The following PUM1 variants were observed in gnomAD, a reference collection of about 807,000 sequenced individuals.
PUM1 encodes pumilio homolog 1.
PUM1 carries 13 observed loss-of-function variants against 131.8 expected under a neutral mutation model. The observed-to-expected ratio is 0.10, with a 90% CI of 0.06 to 0.16. The LOEUF is 0.16. Among genes scored for constraint, PUM1 ranks in the 10% least tolerant of loss-of-function variants. The pLI, the probability that PUM1 is intolerant of heterozygous loss-of-function variation, is 1.00. For missense variants in PUM1, 961 were observed against 1,512.4 expected (o/e 0.64, Z 6.05); for synonymous variants, 509 against 556.5 (o/e 0.91, Z 1.20).
chr1:31,003,751 C>T lies in PUM1; in HGVS notation c.720+2102G>A, dbSNP rs143040506. ...CAGTCTGGGCGACAAGAGTGAAACT[C>T]CACCTCAATAATAATAACAATAATA... is the stretch of plus-strand genomic sequence containing the variant. On this transcript the variant is annotated intron_variant, in intron 5 of 21. Transcript: ENST00000426105. 4.1e-3 allele frequency among the ~76,000 whole-genome samples: 617 copies of T among 152,202 alleles called. 2 individuals carry two copies. Among genetic ancestry groups the T allele is most frequent in the Non-Finnish European group, 6.1e-3 (416 of 68,012 alleles).
At chr1:30,985,228 T>C (rs1238379020) in intron 7 of PUM1, among the ~76,000 whole-genome samples, 1 of 152,180 alleles carries the variant, frequency 6.6e-6, no homozygotes, top group Non-Finnish European at 1.5e-5. Flanking sequence ...GTGATGTTCT[T>C]TCTGATGAAT....
chr1:31,063,088 G>A (rs1644404219), intron 1 of PUM1, among the ~76,000 whole-genome samples: 1 of 151,996 alleles, frequency 6.6e-6, no homozygotes, highest in Non-Finnish European at 1.5e-5. Context: ...ATGCCTCCCT[G>A]CTTGGTTTTT....
At position 30,933,022 on chromosome 1, in the gene PUM1, T is replaced by C; in HGVS notation, c.*189A>G. 1.6e-6 allele frequency: 1 copy of C among 618,360 alleles called. No individual in the cohort carries two copies. Among genetic ancestry groups the C allele is most frequent in the Non-Finnish European group, 2.7e-6 (1 of 375,202 alleles). 38.3% of individuals were successfully genotyped at this position (618,360 alleles called of 1,614,324 possible). On this transcript the variant is annotated 3_prime_UTR_variant, in exon 22 of 22. Coordinates refer to ENST00000426105, the MANE Select transcript of PUM1 (RefSeq NM_001020658.2). ...ATTAAAAAAAATAGTACATGTTATG[T>C]GTAATAAAATTAAATTTACAAAGGC... is the stretch of plus-strand genomic sequence containing the variant.
chr1:31,035,425 A>G (rs543823080), intron 2 of PUM1, among the ~76,000 whole-genome samples: 51 of 152,004 alleles, frequency 3.4e-4, no homozygotes, highest in African/African-American at 1.1e-3. Context: ...CTACCCTGAA[A>G]ACACAGATAA....
chr1:31,056,249 C>T (rs1231976524), intron 2 of PUM1, among the ~76,000 whole-genome samples: 1 of 152,080 alleles, frequency 6.6e-6, no homozygotes, highest in Non-Finnish European at 1.5e-5. Context: ...AAATTCTGTG[C>T]ATATCTTCAT....
Position 31,024,268 on chromosome 1 carries a change from C to T in PUM1, c.432+4528G>A, listed in dbSNP as rs1570295720. Among the ~76,000 whole-genome samples the T allele has an allele frequency of 2.0e-5, 3 of 152,320 alleles. No homozygotes were observed. The South Asian group carries it at 6.2e-4, about 32-fold the overall frequency. On this transcript the variant is annotated intron_variant, in intron 3 of 21. Coordinates refer to ENST00000426105, the MANE Select transcript of PUM1 (RefSeq NM_001020658.2). ...CTCTATCCCACCAAATTTTGCCTTT[C>T]TTTGGATTAACAGCTCACCCAAATC...
chr1:30,947,497 T>A (rs1639728197), intron 17 of PUM1, among the ~76,000 whole-genome samples: 1 of 152,124 alleles, frequency 6.6e-6, no homozygotes, highest in Non-Finnish European at 1.5e-5. Context: ...TGGGTGATGG[T>A]GACAGGATAT....
In PUM1 at chr1:30,992,304, C is replaced by T. The variant is rs545311027; in HGVS notation, c.1158+86G>A. On this transcript the variant is annotated intron_variant, in intron 7 of 21. Coordinates refer to ENST00000426105, the MANE Select transcript of PUM1 (RefSeq NM_001020658.2). ...TGGATAGCCTGAAACAATGCCACCA[C>T]CTCCCCCATCCCCCCATTCTTAATT... 3 of 1,525,954 alleles carry T rather than the reference C, an allele frequency of 2.0e-6. No individual in the cohort carries two copies. In the South Asian group the frequency reaches 3.8e-5, roughly 19 times the overall value. The allele number at this position is 1,525,954 out of a possible 1,614,324, so 94.5% of individuals were successfully genotyped here. A position where few individuals can be genotyped will look rare whatever the true frequency, so the allele number is the denominator to read the frequency against.
intron 7 of PUM1, among the ~76,000 whole-genome samples, chr1:30,986,104 G>A (rs544125597): frequency 2.0e-4 from 30 of 152,178 alleles, no homozygotes; most frequent in South Asian, 2.1e-4. Flanking sequence ...ACAGGCTTGC[G>A]CCACCACACC....
chr1:31,045,373 G>C (rs1643927045), intron 2 of PUM1, among the ~76,000 whole-genome samples: 1 of 149,780 alleles, frequency 6.7e-6, no homozygotes, highest in Non-Finnish European at 1.5e-5. Context: ...CCTGGCCTCA[G>C]ACGATCCACC....
chr1:30,980,002 G>T (rs939991798), intron 9 of PUM1, 60 bp downstream of exon 9: 1 of 1,170,096 alleles, frequency 8.5e-7, no homozygotes, highest in East Asian at 2.4e-5. Context: ...AAGAATGCAC[G>T]CCCATCTCAA....
In PUM1 at chr1:30,978,416, G is replaced by A. The variant is rs180845827; in HGVS notation, c.1354+1646C>T. ...TGGTTAGCAGAGATCATTCTCCTAC[G>A]AAGAGCTTTCTGTTTTCCCCCAAAA... is the stretch of plus-strand genomic sequence containing the variant. On this transcript the variant is annotated intron_variant, in intron 9 of 21. Coordinates refer to ENST00000426105, the MANE Select transcript of PUM1 (RefSeq NM_001020658.2). Among the ~76,000 whole-genome samples, 18 of 152,316 alleles carry A rather than the reference G, an allele frequency of 1.2e-4. No individual in the cohort carries two copies. In the East Asian group the frequency reaches 2.9e-3, roughly 24 times the overall value.
At chr1:30,967,549 C>A (rs746108154) in intron 11 of PUM1, among the ~76,000 whole-genome samples, 22 of 152,102 alleles carry the variant, frequency 1.4e-4, no homozygotes, top group Non-Finnish European at 2.1e-4. Flanking sequence ...GCAGGAAAAA[C>A]CTAGATAGGC....
At chr1:31,054,532 C>A (rs1644192068) in intron 2 of PUM1, among the ~76,000 whole-genome samples, 1 of 101,510 alleles carries the variant, frequency 9.9e-6, no homozygotes, top group Non-Finnish European at 1.8e-5. Flanking sequence ...GCCAAAGGGC[C>A]ACTAAAAAAA....
At chr1:30,963,596 TG>T (rs1340144336) in intron 14 of PUM1, among the ~76,000 whole-genome samples, 1 of 152,220 alleles carries the variant, frequency 6.6e-6, no homozygotes, top group East Asian at 1.9e-4. Flanking sequence ...AGACTTCTCT[TG>T]AATCTTATAA....
intron 5 of PUM1, among the ~76,000 whole-genome samples, chr1:31,004,457 G>A (rs1642327501): frequency 6.6e-6 from 1 of 152,178 alleles, no homozygotes; most frequent in Non-Finnish European, 1.5e-5. Context: ...AGGAAAGAGT[G>A]AGGACAGAAA....
chr1:31,012,965 G>A (rs1293497092), intron 3 of PUM1, among the ~76,000 whole-genome samples: 1 of 152,072 alleles, frequency 6.6e-6, no homozygotes, highest in Non-Finnish European at 1.5e-5. Flanking sequence ...GACCTATTGT[G>A]TACAATGAAA....
chr1:31,045,903 G>A (rs187320057), intron 2 of PUM1, among the ~76,000 whole-genome samples: 6 of 152,232 alleles, frequency 3.9e-5, no homozygotes, highest in Admixed American at 6.5e-5. Context: ...TCAACATGGC[G>A]AAACCCAGTC....
Position 30,950,139 on chromosome 1 carries a change from G to C in PUM1, c.2844C>G (p.Asp948Glu), listed in dbSNP as rs1639868056. Residue 948 changes from aspartate to glutamate, a missense_variant, in exon 17 of 22, where the codon GAC becomes GAG. Asp to Glu is a conservative substitution (Grantham distance 45, BLOSUM62 2). Around this residue, in one of 4 missense-constraint regions of PUM1, gnomAD observed 178 missense variants for 327.5 expected, o/e 0.54. Transcript: ENST00000426105. ...AGGGGAAACTTACAATTACCTGCTG[G>C]TCTGAAGGAATAAACTCAAGAGCTT... ...IQKALEFIPSDQQVINEMVRE... is the reference protein window; with the variant it reads ...IQKALEFIPSEQQVINEMVRE... The C allele has an allele frequency of 6.2e-7, 1 of 1,612,782 alleles. No homozygotes were observed. Among genetic ancestry groups the C allele is most frequent in the Non-Finnish European group, 8.5e-7 (1 of 1,179,452 alleles).
Sources: allele counts gnomAD v4.1 joint callset (sites outside exome capture counted in the v4.1 genomes callset), GRCh38; gene constraint gnomAD v4.1.1; regional missense constraint gnomAD v4.1.1; transcripts MANE v1.5; gene names NCBI Gene and HGNC (gene_info 2026-07-23, HGNC 2026-07-21).